Variants in ANTKMT observed in about 807,000 individuals in gnomAD.
ANTKMT encodes the protein adenine nucleotide translocase lysine methyltransferase.
In ANTKMT, 24 loss-of-function variants were observed where a neutral mutation model predicts 20.7. That is an observed-to-expected ratio of 1.16 (90% CI 0.84 to 1.63). The LOEUF is 1.63. Among genes scored for constraint, ANTKMT ranks in the 40% most tolerant of loss-of-function variants. The pLI is 0.00. For missense variants in ANTKMT, 428 were observed against 334.8 expected, an observed-to-expected ratio of 1.28 and a Z score of -2.17; for synonymous variants, 193 against 161.2, an observed-to-expected ratio of 1.20 and a Z score of -1.49.
chr16:721,303 T>C lies in ANTKMT; in HGVS notation c.29T>C (p.Leu10Pro), dbSNP rs578017646. Residue 10 changes from leucine (L) to proline (P), a missense_variant, in exon 1 of 5, where the codon CTG becomes CCG. By Grantham distance (98) the Leu-to-Pro change is moderately conservative. Coordinates refer to ENST00000569529, the MANE Select transcript of ANTKMT (RefSeq NM_023933.3). ...GAGCAGGACGACCCGGTCGAGGCGC[T>C]GACGGAGCTGCGCGAGCGGCGGCTG... Reference protein sequence around the residue: MEQDDPVEALTELRERRLGA... With the variant: MEQDDPVEAPTELRERRLGA... 5.7e-5 allele frequency: 77 copies of C among 1,344,356 alleles called. No homozygotes were observed. Among genetic ancestry groups the C allele is most frequent in the Admixed American group, 2.5e-4 (7 of 28,418 alleles). The allele number at this position is 1,344,356 out of a possible 1,614,324, so 83.3% of individuals were successfully genotyped here. A position where few individuals can be genotyped will look rare whatever the true frequency, so the allele number is the denominator to read the frequency against.
Position 722,493 on chromosome 16 carries a change from T to G in ANTKMT, c.644T>G (p.Ile215Ser). 1 of 1,612,398 alleles carries G rather than the reference T, an allele frequency of 6.2e-7. No homozygotes were observed. Among genetic ancestry groups the G allele is most frequent in the African/African-American group, 1.3e-5 (1 of 75,002 alleles). The change falls in exon 5 of 5, where the codon ATC (isoleucine) becomes AGC (serine). Residue 215 changes from isoleucine to serine, a missense_variant. Ile to Ser is a moderately radical substitution (Grantham distance 142). Coordinates refer to ENST00000569529, the MANE Select transcript of ANTKMT (RefSeq NM_023933.3). Reference protein sequence around the residue: ...AGEAASSRIPIQAAPGPSSAP... With the variant: ...AGEAASSRIPSQAAPGPSSAP... ...GAGGCCGCCTCCTCGCGGATACCCA[T>G]CCAGGCTGCCCCCGGACCTAGTTCT...
chr16:722,220 G>T, intron 4 of ANTKMT, 86 bp downstream of exon 4: 1 of 1,585,854 alleles, frequency 6.3e-7, no homozygotes. Context: ...CTGCCTGGTG[G>T]GTGCTAGGCT....
At position 721,856 on chromosome 16, in the gene ANTKMT, C is replaced by A; in HGVS notation, c.323C>A (p.Pro108His). The A allele has an allele frequency of 6.4e-7, 1 of 1,566,296 alleles. No individual in the cohort carries two copies. Among genetic ancestry groups the A allele is most frequent in the Non-Finnish European group, 8.6e-7 (1 of 1,162,500 alleles). Reference protein sequence around the residue: ...LRPAVGYELNPWLVALARLHA... With the variant: ...LRPAVGYELNHWLVALARLHA... ...CCGGCCGTGGGCTACGAGCTGAACC[C>A]CTGGCTGGTGGCGCTGGCGCGGCTG... The change falls in exon 3 of 5, where the codon CCC (proline) becomes CAC (histidine). Residue 108 changes from proline (P) to histidine (H), a missense_variant. Transcript: ENST00000569529.
chr16:721,156 T>A lies in ANTKMT; in HGVS notation c.-119T>A. The A allele has an allele frequency of 9.6e-7, 1 of 1,045,280 alleles. No homozygotes were observed. Among genetic ancestry groups the A allele is most frequent in the Non-Finnish European group, 1.2e-6 (1 of 829,176 alleles). 64.8% of individuals were successfully genotyped at this position (1,045,280 alleles called of 1,614,324 possible). The stretch of plus-strand genomic sequence containing the variant: ...CAGGCTCTGCCGGCCACTTCCGGTG[T>A]CGCGCGGCGGCTCCCGGCAGGAGGC... On this transcript the variant is annotated 5_prime_UTR_variant, in exon 1 of 5. Coordinates refer to ENST00000569529, the MANE Select transcript of ANTKMT (RefSeq NM_023933.3).
rs2040217126 is a variant in ANTKMT, at chr16:721,201, C to T, written c.-74C>T. 8.3e-7 allele frequency: 1 copy of T among 1,203,186 alleles called. No homozygotes were observed. The highest frequency in any genetic ancestry group is 1.6e-5 in the African/African-American group (1 of 63,046). The allele number at this position is 1,203,186 out of a possible 1,614,324, so 74.5% of individuals were successfully genotyped here. A position where few individuals can be genotyped will look rare whatever the true frequency, so the allele number is the denominator to read the frequency against. ...GGAGGCAGAGGGCACACCGCCAGCCCCAGGCCAGGCTGCGAGGGCCGCGGA... is the reference window on the plus strand; with the variant it reads ...GGAGGCAGAGGGCACACCGCCAGCCTCAGGCCAGGCTGCGAGGGCCGCGGA... On this transcript the variant is annotated 5_prime_UTR_variant, in exon 1 of 5. Coordinates refer to ENST00000569529, the MANE Select transcript of ANTKMT (RefSeq NM_023933.3).
Position 722,496 on chromosome 16 carries a change from A to G in ANTKMT, c.647A>G (p.Gln216Arg). 1 of 1,612,332 alleles carries G rather than the reference A, an allele frequency of 6.2e-7. No homozygotes were observed. The highest frequency in any genetic ancestry group is 8.5e-7 in the Non-Finnish European group (1 of 1,179,898). The change falls in exon 5 of 5, where the codon CAG (glutamine) becomes CGG (arginine). Residue 216 changes from glutamine (Q) to arginine (R), a missense_variant. By Grantham distance (43) the Gln-to-Arg change is conservative. Coordinates refer to ENST00000569529, the MANE Select transcript of ANTKMT (RefSeq NM_023933.3). ...GEAASSRIPIQAAPGPSSAPI... is the reference protein window; with the variant it reads ...GEAASSRIPIRAAPGPSSAPI... ...GCCGCCTCCTCGCGGATACCCATCC[A>G]GGCTGCCCCCGGACCTAGTTCTGCC...
intron 4 of ANTKMT, 66 bp from the exon 5 acceptor site, chr16:722,243 G>T (rs112723014): frequency 1.9e-6 from 3 of 1,585,024 alleles, no homozygotes; most frequent in Non-Finnish European, 2.6e-6. Context: ...GGGCTAGGGG[G>T]GTGAGCGCGG....
Position 722,067 on chromosome 16 carries a change from G to T in ANTKMT, c.409-17G>T. On this transcript the variant is annotated splice_polypyrimidine_tract_variant and intron_variant, in intron 3 of 4. Transcript: ENST00000569529. ...CACCAGGCCTCTCCCCGGCCGGGGC[G>T]ACTTCTCTTCCGGCAGGTGAGCCTG... 6.3e-7 allele frequency: 1 copy of T among 1,599,158 alleles called. No homozygotes were observed. The highest frequency in any genetic ancestry group is 1.1e-5 in the South Asian group (1 of 88,768).
At chr16:721,757 C>A (rs748683001) in intron 2 of ANTKMT, 44 bp from the exon 3 acceptor site, 1 of 1,532,626 alleles carries the variant, frequency 6.5e-7, no homozygotes, top group Admixed American at 2.1e-5. Flanking sequence ...TGCTGGCGGG[C>A]GCCCCTGCCC....
At position 721,591 on chromosome 16, in the gene ANTKMT, G is replaced by C; in HGVS notation, c.163-7G>C. 1 of 1,539,194 alleles carries C rather than the reference G, an allele frequency of 6.5e-7. No individual in the cohort carries two copies. On this transcript the variant is annotated splice_polypyrimidine_tract_variant and splice_region_variant and intron_variant, in intron 1 of 4. Transcript: ENST00000569529. ...GGCCAGTGGACTCTCGCCGCCACCC[G>C]GTCCAGGTGCCCTACGTCGGCGCGA...
chr16:721,604 T>A lies in ANTKMT; in HGVS notation c.169T>A (p.Tyr57Asn). 6.5e-7 allele frequency: 1 copy of A among 1,543,086 alleles called. No homozygotes were observed. Among genetic ancestry groups the A allele is most frequent in the South Asian group, 1.2e-5 (1 of 83,546 alleles). The stretch of plus-strand genomic sequence containing the variant: ...TCGCCGCCACCCGGTCCAGGTGCCC[T>A]ACGTCGGCGCGAGCGCGCGGCAGGT... ...RRVPLRLQVP[Y>N]VGASARQVEH... Residue 57 changes from tyrosine (Y) to asparagine (N), a missense_variant, in exon 2 of 5, where the codon TAC becomes AAC. Coordinates refer to ENST00000569529, the MANE Select transcript of ANTKMT (RefSeq NM_023933.3).
In ANTKMT at chr16:721,676, G is replaced by A. The variant is rs1019579106; in HGVS notation, c.241G>A (p.Asp81Asn). The change falls in exon 2 of 5, where the codon GAT becomes AAT. Residue 81 changes from aspartate to asparagine, a missense_variant. Asp to Asn is a conservative substitution (Grantham distance 23). Coordinates refer to ENST00000569529, the MANE Select transcript of ANTKMT (RefSeq NM_023933.3). The stretch of plus-strand genomic sequence containing the variant: ...GCGAGGACGCCCCGGAAAAACGGTG[G>A]ATCTGGGCTCTGGCGACGGCAGGAT... ...LLRGRPGKTV[D>N]LGSGDGRIVL... 2.6e-6 allele frequency: 4 copies of A among 1,550,914 alleles called. No individual in the cohort carries two copies. The highest frequency in any genetic ancestry group is 3.5e-6 in the Non-Finnish European group (4 of 1,148,090).
chr16:722,203 C>G, intron 4 of ANTKMT, 69 bp downstream of exon 4: 1 of 1,587,168 alleles, frequency 6.3e-7, no homozygotes. Context: ...TGCTCTGAGG[C>G]CTGGGCCTGC....
At position 721,784 on chromosome 16, in the gene ANTKMT, ACT is replaced by A. The variant is rs1567306951; in HGVS notation, c.268-13_268-12del. On this transcript the variant is annotated splice_polypyrimidine_tract_variant and intron_variant, in intron 2 of 4. Coordinates refer to ENST00000569529, the MANE Select transcript of ANTKMT (RefSeq NM_023933.3). ...CCCCTGCCCACATCCTGGTTCCCACACTCTCGGTGCCCACAGGTGCTGGCGGC... is the reference window on the plus strand; with the variant it reads ...CCCCTGCCCACATCCTGGTTCCCACACTCGGTGCCCACAGGTGCTGGCGGC... 6.5e-7 allele frequency: 1 copy of A among 1,529,030 alleles called. No individual in the cohort carries two copies. 94.7% of individuals were successfully genotyped at this position (1,529,030 alleles called of 1,614,324 possible). A position where few individuals can be genotyped will look rare whatever the true frequency, so the allele number is the denominator to read the frequency against.
chr16:722,311 C>T lies in ANTKMT; in HGVS notation c.462C>T (p.Leu154=). 6.2e-7 allele frequency: 1 copy of T among 1,608,238 alleles called. No individual in the cohort carries two copies. Among genetic ancestry groups the T allele is most frequent in the Non-Finnish European group, 8.5e-7 (1 of 1,178,052 alleles). The stretch of plus-strand genomic sequence containing the variant: ...TACTCTGCTGTTCTCTCCCTCAGCT[C>T]CCGCTGCTGGAGGACAAGCTGCGGA... ...NVSVFLAPSV[L]PLLEDKLRTE... The change falls in exon 5 of 5, where the codon CTC becomes CTT. Residue 154 remains leucine, a splice_region_variant and synonymous_variant. Transcript: ENST00000569529.
rs751428024 is a variant in ANTKMT at position 721,818 on chromosome 16, G to T, written c.285G>T (p.Arg95Ser). ...GDGRIVLAAH[R>S]CGLRPAVGYE... ...GCCCACAGGTGCTGGCGGCCCACAG[G>T]TGCGGCCTCCGCCCGGCCGTGGGCT... The change falls in exon 3 of 5, where the codon AGG becomes AGT. Residue 95 changes from arginine to serine, a missense_variant. By Grantham distance (110) the Arg-to-Ser change is moderately radical (BLOSUM62 -1). Coordinates refer to ENST00000569529, the MANE Select transcript of ANTKMT (RefSeq NM_023933.3). 7.7e-6 allele frequency: 12 copies of T among 1,553,794 alleles called. No individual in the cohort carries two copies. In the African/African-American group the frequency reaches 1.4e-4, roughly 18 times the overall value.
At chr16:721,470 C>A in intron 1 of ANTKMT, 34 bp downstream of exon 1, 1 of 1,368,136 alleles carries the variant, frequency 7.3e-7, no homozygotes, top group South Asian at 1.7e-5. Context: ...CAGGGGAGCT[C>A]GGCTGCCGCT....
chr16:722,009 G>A (rs1350332620), intron 3 of ANTKMT, 68 bp downstream of exon 3: 4 of 1,550,794 alleles, frequency 2.6e-6, no homozygotes, highest in Non-Finnish European at 3.5e-6. Flanking sequence ...AGGGCTGGGG[G>A]CCGGGACTCG....
At position 721,343 on chromosome 16, in the gene ANTKMT, G is replaced by A. The variant is rs967085907; in HGVS notation, c.69G>A (p.Leu23=). The stretch of plus-strand genomic sequence containing the variant: ...AGCGGCGGCTGGGCGCGCTGGAGCT[G>A]CTGCAGGCGGCGGCCGGCTCGGGCT... ...LRERRLGALE[L]LQAAAGSGLA... The change falls in exon 1 of 5, where the codon CTG becomes CTA. Residue 23 remains leucine, a synonymous_variant. Transcript: ENST00000569529. The A allele has an allele frequency of 8.6e-5, 115 of 1,343,522 alleles. No homozygotes were observed. The highest frequency in any genetic ancestry group is 1.0e-4 in the Non-Finnish European group (107 of 1,047,814). 83.2% of individuals were successfully genotyped at this position (1,343,522 alleles called of 1,614,324 possible).
Sources: allele counts gnomAD v4.1 joint callset, GRCh38; gene constraint gnomAD v4.1.1; transcripts MANE v1.5; gene names NCBI Gene and HGNC (gene_info 2026-07-23, HGNC 2026-07-21).